Variants in CCDC68 observed in about 807,000 individuals in gnomAD.
CCDC68 encodes coiled-coil domain-containing protein 68.
A neutral mutation model predicts 47.1 loss-of-function variants in CCDC68; 45 were observed. The observed-to-expected ratio is 0.96, with a 90% confidence interval of 0.75 to 1.23. The LOEUF is 1.23. CCDC68 is among the 50% of genes most tolerant of loss of function. CCDC68 has a pLI of 0.00. For synonymous variants in CCDC68, 131 were observed against 129.5 expected, an observed-to-expected ratio of 1.01 and a Z score of -0.08; for missense variants, 353 against 373.6, an observed-to-expected ratio of 0.94 and a Z score of 0.45.
At position 54,950,897 on chromosome 18, in the gene CCDC68, C is replaced by CTTT. The variant is rs869026740; in HGVS notation, c.-102-5423_-102-5421dup. Among the ~76,000 whole-genome samples the CTTT allele has an allele frequency of 4.3e-3, 266 of 61,962 alleles. 48 individuals are homozygous for CTTT. The highest frequency in any genetic ancestry group is 5.6e-3 in the Admixed American group (20 of 3,582). 40.6% of individuals were successfully genotyped at this position (61,962 alleles called of 152,430 possible). ...TTAGGTTGACCCCAAATTCAGATGT[C>CTTT]TTTTTTTTTTTTTTTTTTTTTTTTT... On this transcript the variant is annotated intron_variant, in intron 1 of 11. Coordinates refer to ENST00000591504, the MANE Select transcript of CCDC68 (RefSeq NM_025214.3).
chr18:54,929,248 C>T (rs762678496), intron 7 of CCDC68, among the ~76,000 whole-genome samples: 4 of 152,160 alleles, frequency 2.6e-5, no homozygotes, highest in African/African-American at 7.2e-5. Context: ...ACACCTGTTT[C>T]GCCTACATTA....
At chr18:54,912,501 GT>G (rs1568133841) in intron 10 of CCDC68, among the ~76,000 whole-genome samples, 3 of 152,228 alleles carry the variant, frequency 2.0e-5, no homozygotes, top group African/African-American at 2.4e-5. Context: ...AAAGCTAGAA[GT>G]AAGGTAGAAA....
chr18:54,944,240 C>T (rs147813385), intron 2 of CCDC68, among the ~76,000 whole-genome samples: 1 of 152,030 alleles, frequency 6.6e-6, no homozygotes, highest in African/African-American at 2.4e-5. Context: ...CTTGGCTGAT[C>T]CAGGTCTGGG....
chr18:54,908,724 A>G (rs928667627), intron 10 of CCDC68, among the ~76,000 whole-genome samples: 1 of 152,126 alleles, frequency 6.6e-6, no homozygotes, highest in African/African-American at 2.4e-5. Flanking sequence ...TTCTAGTCGA[A>G]GTGCCTTTTT....
rs573125942 is a variant in CCDC68, at chr18:54,941,164, C to A, written c.118-81G>T. ...TTTTCTCAATACCAGTTACAGGGTA[C>A]CTGATTATCTAGAAAGTAATACATA... On this transcript the variant is annotated intron_variant, in intron 3 of 11. Transcript: ENST00000591504. 7.0e-6 allele frequency: 6 copies of A among 859,768 alleles called. No homozygotes were observed. The African/African-American group carries it at 1.0e-4, about 15-fold the overall frequency. 53.3% of individuals were successfully genotyped at this position (859,768 alleles called of 1,614,324 possible). A position where few individuals can be genotyped will look rare whatever the true frequency, so the allele number is the denominator to read the frequency against.
chr18:54,942,829 G>A (rs746525527), intron 2 of CCDC68, 26 bp from the exon 3 acceptor site: 3 of 1,225,804 alleles, frequency 2.4e-6, no homozygotes, highest in South Asian at 2.4e-5. Context: ...AATCAGCTAA[G>A]CAAAACAGAC....
At chr18:54,939,195 T>C (rs1467151973) in intron 4 of CCDC68, among the ~76,000 whole-genome samples, 1 of 152,216 alleles carries the variant, frequency 6.6e-6, no homozygotes, top group Non-Finnish European at 1.5e-5. Flanking sequence ...CAGTTTTGTG[T>C]TTTAGAGTCA....
chr18:54,924,049 G>A (rs773708020), intron 8 of CCDC68, among the ~76,000 whole-genome samples: 2 of 152,104 alleles, frequency 1.3e-5, no homozygotes, highest in African/African-American at 4.8e-5. Flanking sequence ...AAAACATAAG[G>A]AAGGGTCAAG....
intron 8 of CCDC68, among the ~76,000 whole-genome samples, chr18:54,921,374 C>T (rs891315823): frequency 2.0e-5 from 3 of 152,132 alleles, no homozygotes; most frequent in African/African-American, 7.2e-5. Context: ...AAATCAGAAG[C>T]TTTATTTTAA....
rs1471336717 is a variant in CCDC68 at position 54,953,526 on chromosome 18, A to G, written c.-103+5810T>C. 1.4e-3 allele frequency among the ~76,000 whole-genome samples: 182 copies of G among 130,854 alleles called. 1 individual carries two copies. Among genetic ancestry groups the G allele is most frequent in the African/African-American group, 5.4e-3 (172 of 31,576 alleles). The allele number at this position is 130,854 out of a possible 152,430, so 85.8% of individuals were successfully genotyped here. A position where few individuals can be genotyped will look rare whatever the true frequency, so the allele number is the denominator to read the frequency against. ...TATATATACATACACACACACACAC[A>G]CACACACACACACATATATATATAT... is the stretch of plus-strand genomic sequence containing the variant. On this transcript the variant is annotated intron_variant, in intron 1 of 11. Transcript: ENST00000591504.
chr18:54,911,065 G>A (rs1914335553), intron 10 of CCDC68, among the ~76,000 whole-genome samples: 1 of 152,212 alleles, frequency 6.6e-6, no homozygotes, highest in African/African-American at 2.4e-5. Flanking sequence ...GCTGCAGCCA[G>A]TGAGATGGCA....
chr18:54,941,103 C>A lies in CCDC68; in HGVS notation c.118-20G>T, dbSNP rs753021522. Reference sequence around the variant, plus strand: ...TCGAATCTAGAGAAGGAAAACAAAACCATTTGTTTCAAAGGCATTTAATGC... The same window carrying A: ...TCGAATCTAGAGAAGGAAAACAAAAACATTTGTTTCAAAGGCATTTAATGC... On this transcript the variant is annotated intron_variant, in intron 3 of 11. Coordinates refer to ENST00000591504, the MANE Select transcript of CCDC68 (RefSeq NM_025214.3). 46 of 1,550,814 alleles carry A rather than the reference C, an allele frequency of 3.0e-5. No individual in the cohort carries two copies. In the Admixed American group the frequency reaches 3.3e-4, roughly 11 times the overall value.
intron 1 of CCDC68, among the ~76,000 whole-genome samples, chr18:54,955,167 T>A (rs1008985508): frequency 4.0e-5 from 6 of 151,618 alleles, no homozygotes; most frequent in Admixed American, 6.6e-5. Context: ...AAAAAAAAAA[T>A]TTAATTAGCT....
chr18:54,952,182 T>G (rs1295010617), intron 1 of CCDC68, among the ~76,000 whole-genome samples: 1 of 152,182 alleles, frequency 6.6e-6, no homozygotes, highest in East Asian at 1.9e-4. Context: ...ACTTCTCTAT[T>G]AACAAGTCAA....
chr18:54,951,716 A>C (rs1264394756), intron 1 of CCDC68, among the ~76,000 whole-genome samples: 1 of 152,206 alleles, frequency 6.6e-6, no homozygotes, highest in Non-Finnish European at 1.5e-5. Flanking sequence ...TCCTGATGGG[A>C]GGTCCCAGGT....
chr18:54,907,426 TAAAG>T (rs1914074526), intron 11 of CCDC68, among the ~76,000 whole-genome samples: 1 of 152,066 alleles, frequency 6.6e-6, no homozygotes, highest in African/African-American at 2.4e-5. Context: ...TGCCAACAAT[TAAAG>T]ATTAAAATGT....
At chr18:54,913,329 AG>A in intron 10 of CCDC68, among the ~76,000 whole-genome samples, 1 of 152,234 alleles carries the variant, frequency 6.6e-6, no homozygotes, top group Non-Finnish European at 1.5e-5. Flanking sequence ...TGGGTTTAAA[AG>A]GTTGTTCAAG....
At chr18:54,954,636 C>A (rs2044681311) in intron 1 of CCDC68, 1 of 152,176 alleles carries the variant, frequency 6.6e-6, no homozygotes, top group Admixed American at 6.5e-5. Context: ...CTGCCCTGAT[C>A]CTGATCCCTG....
chr18:54,912,108 C>T (rs1318456663), intron 10 of CCDC68, among the ~76,000 whole-genome samples: 1 of 152,156 alleles, frequency 6.6e-6, no homozygotes, highest in East Asian at 1.9e-4. Flanking sequence ...TTTAGCAACA[C>T]ACTCCAGAAT....
Sources: allele counts gnomAD v4.1 joint callset (sites outside exome capture counted in the v4.1 genomes callset), GRCh38; gene constraint gnomAD v4.1.1; transcripts MANE v1.5; gene names NCBI Gene and HGNC (gene_info 2026-07-23, HGNC 2026-07-21).